The following EPS8 variants were observed in gnomAD, a reference collection of about 807,000 sequenced individuals.
The protein encoded by EPS8 is EGFR pathway substrate 8, signaling adaptor, also known as epidermal growth factor receptor kinase substrate 8.
A neutral mutation model predicts 103.8 loss-of-function variants in EPS8; 42 were observed. The observed-to-expected ratio is 0.40, with a 90% CI of 0.32 to 0.52. The LOEUF (loss-of-function observed/expected upper bound fraction) is 0.52. Ranked by LOEUF, EPS8 falls within the 20% of genes least tolerant of loss-of-function variation. The probability of loss-of-function intolerance (pLI) is 0.40; values close to 1 mark genes in which losing one functional copy is unlikely to be tolerated. For missense variants in EPS8, 969 were observed against 1,005.1 expected, an observed-to-expected ratio of 0.96 and a Z score of 0.49; for synonymous variants, 344 against 344.6, an observed-to-expected ratio of 1.00 and a Z score of 0.02.
rs1946381959 is a variant in EPS8 at position 15,706,017 on chromosome 12, T to G, written c.-21-23045A>C. Reference sequence around the variant, plus strand: ...TGCTGCTACCACCTATCAGCTATTTTTTTTTTAACTCAAAGAAGGCTAACA... The same window carrying G: ...TGCTGCTACCACCTATCAGCTATTTGTTTTTTAACTCAAAGAAGGCTAACA... On this transcript the variant is annotated intron_variant, in intron 1 of 20. Transcript: ENST00000281172. The surrounding 1 kb of genome is among the most constrained non-coding windows in gnomAD (Gnocchi z 5.2). 1.3e-5 allele frequency among the ~76,000 whole-genome samples: 2 copies of G among 152,166 alleles called. No homozygotes were observed. Among genetic ancestry groups the G allele is most frequent in the Admixed American group, 1.3e-4 (2 of 15,282 alleles).
rs1946246995 is a variant in EPS8 at position 15,696,631 on chromosome 12, C to T, written c.-21-13659G>A. ...ACTCCAGCCTGGCGACAGAGCGAGA[C>T]TCTGTCTCAAATAAAAAAACAAAAA... On this transcript the variant is annotated intron_variant, in intron 1 of 20. Coordinates refer to ENST00000281172, the MANE Select transcript of EPS8 (RefSeq NM_004447.6). This position sits in a 1 kb window ranked among gnomAD's most constrained non-coding sequence, Gnocchi z 4.8. 6.6e-6 allele frequency among the ~76,000 whole-genome samples: 1 copy of T among 152,028 alleles called. No individual in the cohort carries two copies. Among genetic ancestry groups the T allele is most frequent in the African/African-American group, 2.4e-5 (1 of 41,368 alleles).
intron 1 of EPS8, among the ~76,000 whole-genome samples, chr12:15,722,440 T>C (rs1214741224): frequency 6.6e-6 from 1 of 152,166 alleles, no homozygotes; most frequent in Non-Finnish European, 1.5e-5. Context: ...CTGCCATCCT[T>C]GAACATAAAT....
chr12:15,662,719 AT>A (rs869197552), intron 8 of EPS8: 1 of 831,424 alleles, frequency 1.2e-6, no homozygotes, highest in African/African-American at 2.0e-5. Context: ...CTACAGCATG[AT>A]GTTAATCATG....
At chr12:15,628,003 ATAGT>A (rs1415895492) in intron 18 of EPS8, among the ~76,000 whole-genome samples, 1 of 146,512 alleles carries the variant, frequency 6.8e-6, no homozygotes, top group Non-Finnish European at 1.5e-5. Context: ...GAAAGTGTGA[ATAGT>A]TAGTGTTATT....
At chr12:15,647,750 A>C (rs1054018978) in intron 14 of EPS8, among the ~76,000 whole-genome samples, 2 of 152,236 alleles carry the variant, frequency 1.3e-5, no homozygotes, top group Non-Finnish European at 2.9e-5. Context: ...TGCAGTTAAG[A>C]TAATTCAGAC....
At chr12:15,674,106 A>T (rs1945862261) in intron 3 of EPS8, among the ~76,000 whole-genome samples, 1 of 152,236 alleles carries the variant, frequency 6.6e-6, no homozygotes, top group Non-Finnish European at 1.5e-5. Flanking sequence ...TTTGTTAATT[A>T]GTTGAACTAC....
chr12:15,782,030 A>G (rs925780919), intron 1 of EPS8: 1 of 152,232 alleles, frequency 6.6e-6, no homozygotes, highest in Non-Finnish European at 1.5e-5. Flanking sequence ...TTTGGAGAGG[A>G]CAAATATGTA....
chr12:15,729,373 C>T (rs573926814), intron 1 of EPS8, among the ~76,000 whole-genome samples: 2 of 152,306 alleles, frequency 1.3e-5, no homozygotes, highest in East Asian at 3.9e-4. Flanking sequence ...TTCTTCTCCT[C>T]ATGGCATTCC....
rs1249979349 is a variant in EPS8 at position 15,731,578 on chromosome 12, ATGAGCCACCATGCC to A, written c.-21-48620_-21-48607del. 5.3e-5 allele frequency among the ~76,000 whole-genome samples: 8 copies of A among 152,214 alleles called. No individual in the cohort carries two copies. Among genetic ancestry groups the A allele is most frequent in the African/African-American group, 1.7e-4 (7 of 41,464 alleles). On this transcript the variant is annotated intron_variant, in intron 1 of 20. Transcript: ENST00000281172. The surrounding 1 kb of genome is among the most constrained non-coding windows in gnomAD (Gnocchi z 5.1). ...ATCCCAAAGTGCTGGGATTATAGGC[ATGAGCCACCATGCC>A]TGGCCTTAATTGACTTTTAATTGGC...
At chr12:15,742,708 A>G (rs1209771220) in intron 1 of EPS8, among the ~76,000 whole-genome samples, 1 of 152,234 alleles carries the variant, frequency 6.6e-6, no homozygotes. Flanking sequence ...ACAAAATTCA[A>G]CAGCCCTTCA....
At chr12:15,707,161 G>A (rs1477065447) in intron 1 of EPS8, among the ~76,000 whole-genome samples, 1 of 152,148 alleles carries the variant, frequency 6.6e-6, no homozygotes, top group African/African-American at 2.4e-5. Flanking sequence ...TTTCCTAAAA[G>A]GGAACAAGTC....
At chr12:15,758,541 T>C (rs553247272) in intron 1 of EPS8, among the ~76,000 whole-genome samples, 4 of 152,302 alleles carry the variant, frequency 2.6e-5, no homozygotes, top group African/African-American at 9.6e-5. Flanking sequence ...TTTAATCAAT[T>C]TCAATTTCAC....
intron 1 of EPS8, among the ~76,000 whole-genome samples, chr12:15,775,717 G>A (rs1198709429): frequency 2.0e-5 from 3 of 152,066 alleles, no homozygotes; most frequent in East Asian, 1.9e-4. Context: ...CTAACATCAC[G>A]CAGTCCACAA....
intron 18 of EPS8, among the ~76,000 whole-genome samples, chr12:15,630,766 G>A (rs911792875): frequency 2.0e-5 from 3 of 152,162 alleles, no homozygotes; most frequent in South Asian, 2.1e-4. Context: ...TGCATATTAC[G>A]TGTCATACAG....
intron 3 of EPS8, among the ~76,000 whole-genome samples, chr12:15,675,605 TAAAAATAAAATGAG>T (rs1279568666): frequency 4.6e-5 from 7 of 152,096 alleles, no homozygotes; most frequent in African/African-American, 1.7e-4. Flanking sequence ...TCTCAAAAAA[TAAAAATAAAATGAG>T]ACTTAAAAGA....
intron 18 of EPS8, among the ~76,000 whole-genome samples, chr12:15,625,468 G>A (rs1327339136): frequency 6.6e-6 from 1 of 152,032 alleles, no homozygotes; most frequent in Non-Finnish European, 1.5e-5. Context: ...TTACAGCAAA[G>A]TTCACGAAAA....
chr12:15,710,510 T>C (rs897102354), intron 1 of EPS8, among the ~76,000 whole-genome samples: 2 of 152,224 alleles, frequency 1.3e-5, no homozygotes, highest in African/African-American at 4.8e-5. Flanking sequence ...ATTTCACAAA[T>C]TGCTTTTGCA....
At chr12:15,629,371 T>C (rs1040071231) in intron 18 of EPS8, among the ~76,000 whole-genome samples, 1 of 152,192 alleles carries the variant, frequency 6.6e-6, no homozygotes, top group South Asian at 2.1e-4. Context: ...GTGTCAAAGA[T>C]GACTGTGCTG....
At position 15,769,171 on chromosome 12, in the gene EPS8, G is replaced by T. The variant is rs11056639; in HGVS notation, c.-22+19990C>A. Among the ~76,000 whole-genome samples the T allele has an allele frequency of 1.1e-3, 164 of 151,536 alleles. 2 individuals are homozygous for T. In the East Asian group the frequency reaches 0.031, roughly 28 times the overall value. ...CAGGATCACATGAACTAACCTGAAA[G>T]AAAAAAACAGGAGTTCTCTGTCTAT... On this transcript the variant is annotated intron_variant, in intron 1 of 20. Transcript: ENST00000281172. The surrounding 1 kb of genome is among the most constrained non-coding windows in gnomAD (Gnocchi z 4.6).
Sources: gnomAD v4.1 joint callset for allele counts (sites outside exome capture counted in the v4.1 genomes callset) on GRCh38, gnomAD v4.1.1 for gene constraint, Gnocchi (gnomAD v3.1) non-coding constraint, MANE v1.5 for transcripts, NCBI Gene and HGNC (gene_info 2026-07-23, HGNC 2026-07-21) for gene names.